Variants in GCLC observed in about 807,000 individuals in gnomAD.
GCLC encodes the protein glutamate-cysteine ligase catalytic subunit, also known as glutamate--cysteine ligase catalytic subunit.
GCLC carries 30 observed loss-of-function variants against 81.5 expected under a neutral mutation model. The observed-to-expected ratio is 0.37, with a 90% CI of 0.28 to 0.50. The LOEUF (loss-of-function observed/expected upper bound fraction) is 0.50, where lower values mean the gene tolerates loss of function less well. GCLC is among the 20% of genes least tolerant of loss of function. The pLI is 0.96. For missense variants in GCLC, 556 were observed against 777.4 expected (o/e 0.72, Z 3.39); for synonymous variants, 262 against 273.3 (o/e 0.96, Z 0.41).
intron 1 of GCLC, among the ~76,000 whole-genome samples, chr6:53,522,986 C>T (rs1763023709): frequency 1.3e-5 from 2 of 152,194 alleles, no homozygotes; most frequent in African/African-American, 4.8e-5. Flanking sequence ...GTAGATTACA[C>T]TTTCATAATC....
At chr6:53,511,853 C>T (rs1764752697) in intron 6 of GCLC, among the ~76,000 whole-genome samples, 1 of 115,618 alleles carries the variant, frequency 8.6e-6, no homozygotes, top group African/African-American at 3.5e-5. Flanking sequence ...ACTGAAACAT[C>T]TAATCTAAAC....
intron 1 of GCLC, among the ~76,000 whole-genome samples, chr6:53,526,148 T>C (rs953596732): frequency 2.0e-5 from 3 of 152,186 alleles, no homozygotes; most frequent in Non-Finnish European, 2.9e-5. Flanking sequence ...TACAAAAGGC[T>C]AGTATGTACT....
intron 6 of GCLC, chr6:53,509,456 T>C (rs894593253): frequency 1.5e-4 from 91 of 609,064 alleles, no homozygotes; most frequent in South Asian, 1.2e-3. Flanking sequence ...CCACTGCCTA[T>C]AGACAACTAA....
intron 1 of GCLC, among the ~76,000 whole-genome samples, chr6:53,539,692 G>T (rs1363069091): frequency 6.6e-6 from 1 of 152,068 alleles, no homozygotes; most frequent in East Asian, 1.9e-4. Flanking sequence ...TGCCCATAAA[G>T]CCCAACATAT....
intron 2 of GCLC, among the ~76,000 whole-genome samples, chr6:53,522,188 TCTTTA>T (rs1159527910): frequency 6.6e-6 from 1 of 152,228 alleles, no homozygotes; most frequent in Non-Finnish European, 1.5e-5. Flanking sequence ...ATTGCTATGA[TCTTTA>T]CTTTACAGAT....
In GCLC at chr6:53,506,031, A is replaced by G; in HGVS notation, c.1198-136T>C. The G allele has an allele frequency of 2.9e-6, 2 of 698,706 alleles. No individual in the cohort carries two copies. The highest frequency in any genetic ancestry group is 5.3e-6 in the Non-Finnish European group (2 of 378,640). The allele number at this position is 698,706 out of a possible 1,614,324, so 43.3% of individuals were successfully genotyped here. ...TCAATTGACAAAGACAAAAAGGTAC[A>G]ATTGAAGATTTTCTTCGAGTGTGCT... On this transcript the variant is annotated intron_variant, in intron 10 of 15. Coordinates refer to ENST00000650454, the MANE Select transcript of GCLC (RefSeq NM_001498.4). The surrounding 1 kb of genome is among the most constrained non-coding windows in gnomAD (Gnocchi z 4.0).
intron 1 of GCLC, among the ~76,000 whole-genome samples, chr6:53,525,268 C>T (rs957869802): frequency 3.0e-4 from 45 of 152,194 alleles, no homozygotes; most frequent in African/African-American, 1.1e-3. Flanking sequence ...ACCACCTCAA[C>T]ACATTTATGT....
rs559188011 is a variant in GCLC, at chr6:53,506,698, G to C, written c.1197+215C>G. ...ATCAGTGAGATAAACAGTAAGAATC[G>C]TAAAATAAGAGTACTTGAAACCGAT... On this transcript the variant is annotated intron_variant, in intron 10 of 15. Transcript: ENST00000650454. This position sits in a 1 kb window ranked among gnomAD's most constrained non-coding sequence, Gnocchi z 4.0. 10 of 528,720 alleles carry C rather than the reference G, an allele frequency of 1.9e-5. No individual in the cohort carries two copies. The Admixed American group carries it at 2.0e-4, about 10-fold the overall frequency. 32.8% of individuals were successfully genotyped at this position (528,720 alleles called of 1,614,324 possible). A position where few individuals can be genotyped will look rare whatever the true frequency, so the allele number is the denominator to read the frequency against.
intron 1 of GCLC, among the ~76,000 whole-genome samples, chr6:53,523,044 A>G (rs1163614793): frequency 6.6e-6 from 1 of 152,186 alleles, no homozygotes; most frequent in Non-Finnish European, 1.5e-5. Context: ...TCATAAATAT[A>G]CCGTGTGGAG....
At chr6:53,508,468 T>C in intron 8 of GCLC, 127 bp downstream of exon 8, 1 of 763,854 alleles carries the variant, frequency 1.3e-6, no homozygotes, top group Admixed American at 1.7e-5. Context: ...ACTCCCCACC[T>C]AGACCAAATC....
intron 14 of GCLC, 39 bp from the exon 15 acceptor site, chr6:53,500,204 G>T (rs1349109301): frequency 1.2e-6 from 2 of 1,613,744 alleles, no homozygotes; most frequent in Non-Finnish European, 1.7e-6. Context: ...CCCTGCCGGG[G>T]GATGTGCACA....
At position 53,506,795 on chromosome 6, in the gene GCLC, C is replaced by T. The variant is rs1041545959; in HGVS notation, c.1197+118G>A. The T allele has an allele frequency of 7.0e-5, 49 of 702,178 alleles. No individual in the cohort carries two copies. Among genetic ancestry groups the T allele is most frequent in the Admixed American group, 3.4e-4 (16 of 47,260 alleles). 43.5% of individuals were successfully genotyped at this position (702,178 alleles called of 1,614,324 possible). ...TATGAAATTTCTTTTGTGTTCTCCA[C>T]AGGTACAGAAAACTGCCTCCCCATG... On this transcript the variant is annotated intron_variant, in intron 10 of 15. Coordinates refer to ENST00000650454, the MANE Select transcript of GCLC (RefSeq NM_001498.4). The surrounding 1 kb of genome is among the most constrained non-coding windows in gnomAD (Gnocchi z 4.0).
Position 53,544,887 on chromosome 6 carries a change from G to A in GCLC, c.-242C>T, listed in dbSNP as rs1190867250. ...CGCGGAGGCGAAGGCAGAAGACCGA[G>A]AGCAGGCGGGACGGCTCTCGGCCCG... On this transcript the variant is annotated 5_prime_UTR_variant, in exon 1 of 16. Coordinates refer to ENST00000650454, the MANE Select transcript of GCLC (RefSeq NM_001498.4). 2.8e-6 allele frequency: 1 copy of A among 351,324 alleles called. No homozygotes were observed. Among genetic ancestry groups the A allele is most frequent in the Admixed American group, 5.0e-5 (1 of 19,936 alleles). The allele number at this position is 351,324 out of a possible 1,614,324, so 21.8% of individuals were successfully genotyped here.
At chr6:53,525,448 A>G (rs1428359093) in intron 1 of GCLC, among the ~76,000 whole-genome samples, 1 of 152,234 alleles carries the variant, frequency 6.6e-6, no homozygotes, top group Non-Finnish European at 1.5e-5. Flanking sequence ...TAAAGCCCCA[A>G]TAAATTATTT....
At chr6:53,535,364 A>G (rs111485594) in intron 1 of GCLC, among the ~76,000 whole-genome samples, 2 of 152,154 alleles carry the variant, frequency 1.3e-5, no homozygotes, top group African/African-American at 4.8e-5. Flanking sequence ...AAAACACAAA[A>G]TTAGCCAGGC....
At position 53,506,273 on chromosome 6, in the gene GCLC, A is replaced by G. The variant is rs1184464389; in HGVS notation, c.1198-378T>C. On this transcript the variant is annotated intron_variant, in intron 10 of 15. Transcript: ENST00000650454. This position sits in a 1 kb window ranked among gnomAD's most constrained non-coding sequence, Gnocchi z 4.0. ...TCATCTGAGAACCCTGTCACATGACAGTTGTTTCCTTTCTTCCTCCTCTCC... is the reference window on the plus strand; with the variant it reads ...TCATCTGAGAACCCTGTCACATGACGGTTGTTTCCTTTCTTCCTCCTCTCC... The G allele has an allele frequency of 1.6e-5, 5 of 306,070 alleles. No homozygotes were observed. Among genetic ancestry groups the G allele is most frequent in the Admixed American group, 9.4e-5 (2 of 21,388 alleles). The allele number at this position is 306,070 out of a possible 1,614,324, so 19.0% of individuals were successfully genotyped here.
At chr6:53,537,766 G>C (rs1474613281) in intron 1 of GCLC, among the ~76,000 whole-genome samples, 1 of 151,930 alleles carries the variant, frequency 6.6e-6, no homozygotes, top group African/African-American at 2.4e-5. Context: ...CCCTACATAT[G>C]TGGAATGTTT....
Position 53,500,461 on chromosome 6 carries a change from A to G in GCLC, c.1448T>C (p.Met483Thr). 6.2e-7 allele frequency: 1 copy of G among 1,612,220 alleles called. No homozygotes were observed. ...AQKRDAVLQG[M>T]FYFRKDICKG... ...GCAAATATCTTTCCTGAAATAAAACATTCCCTGCAAGACAGCATCTCTTTT... is the reference window on the plus strand; with the variant it reads ...GCAAATATCTTTCCTGAAATAAAACGTTCCCTGCAAGACAGCATCTCTTTT... Residue 483 changes from methionine (M) to threonine (T), a missense_variant, in exon 13 of 16, where the codon ATG (methionine) becomes ACG (threonine). Physicochemically the swap from Met to Thr is moderately conservative, Grantham distance 81. Transcript: ENST00000650454.
chr6:53,540,365 T>TGTTGGGACTACAGTATGGGACAA (rs1763332099), intron 1 of GCLC, among the ~76,000 whole-genome samples: 1 of 151,238 alleles, frequency 6.6e-6, no homozygotes, highest in Non-Finnish European at 1.5e-5. Flanking sequence ...ATGGGACAAT[T>TGTTGGGACTACAGTATGGGACAA]TAGATGACCC....
Sources: allele counts gnomAD v4.1 joint callset (sites outside exome capture counted in the v4.1 genomes callset), GRCh38; gene constraint gnomAD v4.1.1; non-coding constraint Gnocchi (gnomAD v3.1); transcripts MANE v1.5; gene names NCBI Gene and HGNC (gene_info 2026-07-23, HGNC 2026-07-21).